Variants in LCOR observed in about 807,000 individuals in gnomAD.
LCOR encodes ligand dependent nuclear receptor corepressor.
In LCOR, 14 loss-of-function variants were observed where a neutral mutation model predicts 64.4. The ratio of observed to expected loss-of-function variants is 0.22; its 90% confidence interval spans 0.14 to 0.34. LCOR has a LOEUF of 0.34. LCOR is among the 10% of genes least tolerant of loss of function. The pLI is 1.00. For missense variants in LCOR, 1,686 were observed against 1,765.3 expected (o/e 0.96, Z 0.80); for synonymous variants, 643 against 642.5 (o/e 1.00, Z -0.01).
rs1382873464 is a variant in LCOR, at chr10:96,981,757, C to CACA, written c.1299_1301dup (p.His433_Lys434insAsn). ...AGGCCCCGGCCCTATGCCAGCTGTACACAAAGCGGCAAATGGACACTCAAG... is the reference window on the plus strand; with the variant it reads ...AGGCCCCGGCCCTATGCCAGCTGTACACAACAAAGCGGCAAATGGACACTCAAG... On this transcript the variant is annotated inframe_insertion, in exon 8 of 8. Transcript: ENST00000421806. 1 of 1,614,078 alleles carries CACA rather than the reference C, an allele frequency of 6.2e-7. No individual in the cohort carries two copies. The highest frequency in any genetic ancestry group is 1.7e-5 in the Admixed American group (1 of 60,004).
Position 96,984,547 on chromosome 10 carries a change from G to A in LCOR, c.4087G>A (p.Val1363Met), listed in dbSNP as rs1202244981. Residue 1363 changes from valine (V) to methionine (M), a missense_variant, in exon 8 of 8, where the codon GTG becomes ATG. Physicochemically the swap from Val to Met is conservative, Grantham distance 21. Around this residue, in one of 3 missense-constraint regions of LCOR, gnomAD observed 1,293 missense variants for 1,410.4 expected, o/e 0.92. Coordinates refer to ENST00000421806, the MANE Select transcript of LCOR (RefSeq NM_001346516.2). ...PLMSPKLALQ[V>M]DADGFPVKPK... ...GATGTCCCCCAAGCTTGCCCTGCAA[G>A]TGGATGCAGATGGGTTTCCTGTTAA... 1 of 1,614,120 alleles carries A rather than the reference G, an allele frequency of 6.2e-7. No homozygotes were observed. Among genetic ancestry groups the A allele is most frequent in the Non-Finnish European group, 8.5e-7 (1 of 1,180,054 alleles).
intron 2 of LCOR, among the ~76,000 whole-genome samples, chr10:96,874,137 A>G (rs1846123967): frequency 6.6e-6 from 1 of 152,258 alleles, no homozygotes; most frequent in South Asian, 2.1e-4. Context: ...ATCGCGTGCT[A>G]TAAAACTCTA....
At chr10:96,926,813 C>T (rs1847176970) in intron 4 of LCOR, among the ~76,000 whole-genome samples, 2 of 151,934 alleles carry the variant, frequency 1.3e-5, no homozygotes, top group Admixed American at 6.6e-5. Flanking sequence ...TGTTTGACTT[C>T]TTTTTGTTAG....
Position 96,893,898 on chromosome 10 carries a change from CCTT to C in LCOR, c.-329-13364_-329-13362del, listed in dbSNP as rs553681749. Among the ~76,000 whole-genome samples, 462 of 152,216 alleles carry C rather than the reference CCTT, an allele frequency of 3.0e-3. 3 individuals are homozygous for C. The highest frequency in any genetic ancestry group is 0.011 in the African/African-American group (442 of 41,536). On this transcript the variant is annotated intron_variant, in intron 2 of 7. Coordinates refer to ENST00000421806, the MANE Select transcript of LCOR (RefSeq NM_001346516.2). ...TCTTACTTCCTAGAGTTGTAGTACT[CCTT>C]CTATTACACTACAACAGTGAATGTA...
intron 1 of LCOR, 190 bp from the exon 2 acceptor site, chr10:96,833,216 C>G: frequency 1.0e-6 from 1 of 981,196 alleles, no homozygotes; most frequent in Non-Finnish European, 1.2e-6. Flanking sequence ...CGTCCCCTCC[C>G]GGGGATTGGC....
At chr10:96,956,894 CT>C (rs1589682248) in intron 7 of LCOR, 2 of 985,044 alleles carry the variant, frequency 2.0e-6, no homozygotes, top group Admixed American at 6.2e-5. Flanking sequence ...TTCAAGATCT[CT>C]TTATTGGGGA....
intron 2 of LCOR, among the ~76,000 whole-genome samples, chr10:96,875,895 C>G (rs997385710): frequency 2.0e-5 from 3 of 151,820 alleles, no homozygotes; most frequent in African/African-American, 2.4e-5. Context: ...CACACATGGT[C>G]CACTGGTAGG....
intron 2 of LCOR, among the ~76,000 whole-genome samples, chr10:96,842,060 G>A (rs2134365479): frequency 6.6e-6 from 1 of 152,110 alleles, no homozygotes; most frequent in East Asian, 1.9e-4. Context: ...GAGTTTTGCA[G>A]AAGGTAAAAG....
rs759652410 is a variant in LCOR, at chr10:96,992,209, CTG to C, written c.*7079_*7080del. On this transcript the variant is annotated 3_prime_UTR_variant, in exon 8 of 8. Transcript: ENST00000421806. ...CTGCATTCTAAATAGTTCTCGGAGACTGTGTTAGTAACTGGTTTCAAATACAT... is the reference window on the plus strand; with the variant it reads ...CTGCATTCTAAATAGTTCTCGGAGACTGTTAGTAACTGGTTTCAAATACAT... 6 of 152,062 alleles carry C rather than the reference CTG, an allele frequency of 3.9e-5. No individual in the cohort carries two copies. Among genetic ancestry groups the C allele is most frequent in the Non-Finnish European group, 7.4e-5 (5 of 68,026 alleles). 9.4% of individuals were successfully genotyped at this position (152,062 alleles called of 1,614,324 possible).
chr10:96,848,570 A>G (rs1407743530), intron 2 of LCOR, among the ~76,000 whole-genome samples: 3 of 152,178 alleles, frequency 2.0e-5, no homozygotes, highest in Non-Finnish European at 4.4e-5. Context: ...AGGTGGGAGA[A>G]TCACTTGAAC....
chr10:96,942,267 C>T (rs1298971473), intron 4 of LCOR, among the ~76,000 whole-genome samples: 1 of 151,994 alleles, frequency 6.6e-6, no homozygotes, highest in Non-Finnish European at 1.5e-5. Context: ...CAGCAAAACC[C>T]CGTCTCCACC....
At chr10:96,921,471 T>A (rs1468857097) in intron 4 of LCOR, among the ~76,000 whole-genome samples, 1 of 152,180 alleles carries the variant, frequency 6.6e-6, no homozygotes, top group African/African-American at 2.4e-5. Context: ...TTTTAATTTT[T>A]ATTTTTTGGA....
At position 96,993,759 on chromosome 10, in the gene LCOR, A is replaced by T. The variant is rs1019188040; in HGVS notation, c.*8625A>T. On this transcript the variant is annotated 3_prime_UTR_variant, in exon 8 of 8. Transcript: ENST00000421806. ...TGGTTATGTTATATTATATATATAT[A>T]TTATATATATATATATACAGGTGTA... 2.1e-5 allele frequency: 3 copies of T among 145,612 alleles called. No homozygotes were observed. The highest frequency in any genetic ancestry group is 6.8e-5 in the Admixed American group (1 of 14,728). The allele number at this position is 145,612 out of a possible 1,614,324, so 9.0% of individuals were successfully genotyped here. A position where few individuals can be genotyped will look rare whatever the true frequency, so the allele number is the denominator to read the frequency against.
chr10:96,866,604 G>A (rs761853443), intron 2 of LCOR, among the ~76,000 whole-genome samples: 9 of 152,132 alleles, frequency 5.9e-5, no homozygotes, highest in Non-Finnish European at 1.2e-4. Flanking sequence ...TTTGGAGATG[G>A]AGTTTTGCTC....
intron 2 of LCOR, among the ~76,000 whole-genome samples, chr10:96,885,553 ATTTTT>A (rs144687202): frequency 3.4e-5 from 4 of 117,782 alleles, no homozygotes; most frequent in Admixed American, 8.8e-5. Context: ...GGCTAATTGA[ATTTTT>A]TTTTTTTTTT....
chr10:96,913,521 G>A (rs1357303104), intron 4 of LCOR, among the ~76,000 whole-genome samples: 2 of 152,140 alleles, frequency 1.3e-5, no homozygotes, highest in African/African-American at 4.8e-5. Context: ...AAGGATGATG[G>A]GAGAGTAGGA....
At chr10:96,935,295 C>T (rs937714639) in intron 4 of LCOR, among the ~76,000 whole-genome samples, 16 of 151,644 alleles carry the variant, frequency 1.1e-4, no homozygotes, top group Admixed American at 9.2e-4. Context: ...ATTACAGGTA[C>T]GTGCCACCAC....
Position 96,958,291 on chromosome 10 carries a change from G to T in LCOR, c.332+6095G>T, listed in dbSNP as rs868653654. 1.7e-5 allele frequency: 25 copies of T among 1,453,850 alleles called. No individual in the cohort carries two copies. In the Middle Eastern group the frequency reaches 2.3e-3, roughly 135 times the overall value. 90.1% of individuals were successfully genotyped at this position (1,453,850 alleles called of 1,614,324 possible). A position where few individuals can be genotyped will look rare whatever the true frequency, so the allele number is the denominator to read the frequency against. The stretch of plus-strand genomic sequence containing the variant: ...TTTGTAGAGTTTATTGTTCAGAGAG[G>T]TTTAATCCTATGTGGTAGTCTATAT... On this transcript the variant is annotated intron_variant, in intron 7 of 7. Coordinates refer to ENST00000421806, the MANE Select transcript of LCOR (RefSeq NM_001346516.2).
In LCOR at chr10:96,837,318, G is replaced by C. The variant is rs760872970; in HGVS notation, c.-330+3839G>C. 2.0e-5 allele frequency among the ~76,000 whole-genome samples: 3 copies of C among 151,738 alleles called. No individual in the cohort carries two copies. In the East Asian group the frequency reaches 5.8e-4, roughly 30 times the overall value. ...TATGCCCAGGCTGGAGTGCAGTGGC[G>C]TGATCTTGGCTCACTGCAACCTCCA... On this transcript the variant is annotated intron_variant, in intron 2 of 7. Coordinates refer to ENST00000421806, the MANE Select transcript of LCOR (RefSeq NM_001346516.2).
Sources: allele counts gnomAD v4.1 joint callset (sites outside exome capture counted in the v4.1 genomes callset), GRCh38; gene constraint gnomAD v4.1.1; regional missense constraint gnomAD v4.1.1; transcripts MANE v1.5; gene names NCBI Gene and HGNC (gene_info 2026-07-23, HGNC 2026-07-21).